The following SYNE1 variants were observed in gnomAD, a reference collection of about 807,000 sequenced individuals.
SYNE1 encodes spectrin repeat containing nuclear envelope protein 1.
A neutral mutation model predicts 1,111.0 loss-of-function variants in SYNE1; 616 were observed. The ratio of observed to expected loss-of-function variants is 0.55; its 90% confidence interval spans 0.52 to 0.59. SYNE1 has a LOEUF of 0.59. Among genes scored for constraint, SYNE1 ranks in the 20% least tolerant of loss-of-function variants. The pLI is 0.00. For missense variants in SYNE1, 10,006 were observed against 10,417.0 expected, an observed-to-expected ratio of 0.96 and a Z score of 1.72; for synonymous variants, 3,855 against 3,825.8, an observed-to-expected ratio of 1.01 and a Z score of -0.28.
At position 152,506,402 on chromosome 6, in the gene SYNE1, G is replaced by C. The variant is rs145786366; in HGVS notation, c.582-1005C>G. 4.8e-3 allele frequency among the ~76,000 whole-genome samples: 730 copies of C among 152,154 alleles called. 8 individuals carry two copies. The highest frequency in any genetic ancestry group is 0.016 in the African/African-American group (673 of 41,482). ...TAAAAAGTTAGTCTCATTAACCTTA[G>C]AGATGTCTCTAACTAAAGCAAAAAT... On this transcript the variant is annotated intron_variant, in intron 8 of 145. Coordinates refer to ENST00000367255, the MANE Select transcript of SYNE1 (RefSeq NM_182961.4).
intron 95 of SYNE1, among the ~76,000 whole-genome samples, chr6:152,285,482 CT>C (rs1215620762): frequency 1.3e-5 from 2 of 152,174 alleles, no homozygotes; most frequent in Admixed American, 1.3e-4. Context: ...TGGATTCTTG[CT>C]GTGAAATAAA....
chr6:152,560,922 A>G (rs1175088930), intron 3 of SYNE1, among the ~76,000 whole-genome samples: 1 of 152,218 alleles, frequency 6.6e-6, no homozygotes, highest in East Asian at 1.9e-4. Flanking sequence ...TCTCAACACA[A>G]TAAAGACCAC....
At chr6:152,593,499 G>A (rs1218719657) in intron 3 of SYNE1, among the ~76,000 whole-genome samples, 8 of 152,032 alleles carry the variant, frequency 5.3e-5, no homozygotes, top group South Asian at 2.1e-4. Context: ...GGAGAATGGC[G>A]TGAATCCGGG....
chr6:152,507,167 T>A (rs1351354592), intron 8 of SYNE1, among the ~76,000 whole-genome samples: 2 of 152,196 alleles, frequency 1.3e-5, no homozygotes, highest in Non-Finnish European at 2.9e-5. Flanking sequence ...GTAATCCAAC[T>A]CTGACTTCAT....
At chr6:152,356,548 A>G (rs570020011) in intron 66 of SYNE1, among the ~76,000 whole-genome samples, 2 of 148,456 alleles carry the variant, frequency 1.3e-5, no homozygotes, top group African/African-American at 2.4e-5. Context: ...TATTATATTA[A>G]AAATATATAA....
At chr6:152,139,805 G>T in intron 140 of SYNE1, 145 bp downstream of exon 140, 1 of 779,886 alleles carries the variant, frequency 1.3e-6, no homozygotes, top group South Asian at 1.5e-5. Flanking sequence ...GATGGCTGGA[G>T]GTGAGGAGAG....
At chr6:152,140,210 T>C (rs1240555074) in intron 139 of SYNE1, 49 bp from the exon 140 acceptor site, 1 of 1,591,768 alleles carries the variant, frequency 6.3e-7, no homozygotes, top group Admixed American at 1.7e-5. Context: ...CTACATGTGA[T>C]GTTTATGAAA....
intron 38 of SYNE1, among the ~76,000 whole-genome samples, chr6:152,426,560 A>G (rs564700382): frequency 6.6e-6 from 1 of 152,388 alleles, no homozygotes; most frequent in Admixed American, 6.5e-5. Flanking sequence ...GGAGATGGGC[A>G]GCAACAGTTT....
chr6:152,429,767 T>C (rs2098411059), intron 36 of SYNE1, among the ~76,000 whole-genome samples: 1 of 152,198 alleles, frequency 6.6e-6, no homozygotes, highest in African/African-American at 2.4e-5. Context: ...TGAAGACAGC[T>C]ATACACATAT....
chr6:152,371,355 C>T (rs2097176607), intron 59 of SYNE1, among the ~76,000 whole-genome samples: 1 of 151,830 alleles, frequency 6.6e-6, no homozygotes, highest in African/African-American at 2.4e-5. Context: ...CTCCTTCCTG[C>T]CACCATATGA....
At position 152,284,126 on chromosome 6, in the gene SYNE1, A is replaced by G. The variant is rs975241519; in HGVS notation, c.18059T>C (p.Leu6020Pro). 1.2e-6 allele frequency: 2 copies of G among 1,614,198 alleles called. No individual in the cohort carries two copies. Among genetic ancestry groups the G allele is most frequent in the Admixed American group, 3.3e-5 (2 of 60,018 alleles). ...CAGCTCCTCTGCGAGAGAGGACTGG[A>G]GCTCATTGATTTCATCCTGGAGCAT... ...ILMLQDEINE[L>P]QSSLAEELVS... is the part of the protein sequence containing the mutation. Residue 6020 changes from leucine (L) to proline (P), a missense_variant, in exon 96 of 146, where the codon CTC (leucine) becomes CCC (proline). By Grantham distance (98) the Leu-to-Pro change is moderately conservative. Transcript: ENST00000367255.
At chr6:152,443,946 G>C (rs1320990070) in intron 30 of SYNE1, among the ~76,000 whole-genome samples, 1 of 152,148 alleles carries the variant, frequency 6.6e-6, no homozygotes, top group Non-Finnish European at 1.5e-5. Context: ...TACACTCCAG[G>C]AAGGTCTAGT....
At chr6:152,275,255 T>C (rs2093520746) in intron 98 of SYNE1, among the ~76,000 whole-genome samples, 1 of 152,034 alleles carries the variant, frequency 6.6e-6, no homozygotes, top group Non-Finnish European at 1.5e-5. Context: ...TGGGGTATAC[T>C]GGCAAAGGTT....
At chr6:152,513,106 C>A (rs2099093722) in intron 6 of SYNE1, among the ~76,000 whole-genome samples, 1 of 152,208 alleles carries the variant, frequency 6.6e-6, no homozygotes, top group Admixed American at 6.5e-5. Context: ...GTCTTAAAAC[C>A]TTCAGGTGAT....
intron 98 of SYNE1, among the ~76,000 whole-genome samples, chr6:152,274,184 T>C (rs1001852797): frequency 1.2e-4 from 19 of 152,246 alleles, no homozygotes; most frequent in African/African-American, 3.9e-4. Context: ...AGTTTTAGTA[T>C]GTGTAACCTT....
At chr6:152,364,045 GTAA>G (rs1422408498) in intron 63 of SYNE1, among the ~76,000 whole-genome samples, 2 of 152,184 alleles carry the variant, frequency 1.3e-5, no homozygotes, top group African/African-American at 4.8e-5. Context: ...CCAATGGGAG[GTAA>G]TTGAATCATG....
Position 152,352,291 on chromosome 6 carries a change from C to T in SYNE1, c.11316G>A (p.Glu3772=). The part of the protein sequence containing the change: ...SLLKSAREKG[E]RAVKYLEEGE... ...CTTCCTCCAAGTATTTAACAGCCCT[C>T]TCTCCTTTCTCCCGGGCTGATTTCA... Residue 3772 remains glutamate (E), a synonymous_variant, in exon 70 of 146, where the codon GAG becomes GAA. Coordinates refer to ENST00000367255, the MANE Select transcript of SYNE1 (RefSeq NM_182961.4). 6 of 1,614,180 alleles carry T rather than the reference C, an allele frequency of 3.7e-6. No homozygotes were observed. Among genetic ancestry groups the T allele is most frequent in the Non-Finnish European group, 5.1e-6 (6 of 1,180,028 alleles).
chr6:152,581,769 T>A (rs2099520518), intron 3 of SYNE1, among the ~76,000 whole-genome samples: 1 of 152,200 alleles, frequency 6.6e-6, no homozygotes, highest in African/African-American at 2.4e-5. Context: ...CCAGACTCAC[T>A]GAGTCAAAAT....
chr6:152,506,048 T>C (rs2154332493), intron 8 of SYNE1, among the ~76,000 whole-genome samples: 1 of 152,332 alleles, frequency 6.6e-6, no homozygotes, highest in Non-Finnish European at 1.5e-5. Flanking sequence ...GTTTTTAAGC[T>C]CCTTTTTGGT....
Sources: allele counts gnomAD v4.1 joint callset (sites outside exome capture counted in the v4.1 genomes callset), GRCh38; gene constraint gnomAD v4.1.1; transcripts MANE v1.5; gene names NCBI Gene and HGNC (gene_info 2026-07-23, HGNC 2026-07-21).